Variants in SNTG1 observed in about 807,000 individuals in gnomAD.
SNTG1 encodes syntrophin gamma 1, also known as gamma-1-syntrophin.
SNTG1 carries 39 observed loss-of-function variants against 74.7 expected under a neutral mutation model. The observed-to-expected ratio is 0.52, with a 90% CI of 0.40 to 0.68. The LOEUF (loss-of-function observed/expected upper bound fraction) is 0.68. Ranked by LOEUF, SNTG1 falls within the 30% of genes least tolerant of loss-of-function variation. The pLI is 0.00. For synonymous variants in SNTG1, 254 were observed against 217.1 expected (o/e 1.17, Z -1.49); for missense variants, 685 against 609.5 (o/e 1.12, Z -1.30).
chr8:50,709,671 G>A (rs920166254), intron 17 of SNTG1, among the ~76,000 whole-genome samples: 16 of 152,094 alleles, frequency 1.1e-4, no homozygotes, highest in East Asian at 1.9e-4. Context: ...AATTGGAAGC[G>A]ATCTTAAAGC....
chr8:50,640,542 A>G (rs911740839), intron 13 of SNTG1, among the ~76,000 whole-genome samples: 1 of 152,278 alleles, frequency 6.6e-6, no homozygotes, highest in Non-Finnish European at 1.5e-5. Context: ...CATCACACAC[A>G]TATGTACACA....
chr8:50,082,491 T>G (rs367586000), intron 1 of SNTG1, among the ~76,000 whole-genome samples: 10 of 152,326 alleles, frequency 6.6e-5, no homozygotes, highest in African/African-American at 2.4e-4. Flanking sequence ...TTTATTTATC[T>G]GCTCCTATTT....
At chr8:50,638,020 T>A (rs528386505) in intron 13 of SNTG1, among the ~76,000 whole-genome samples, 1 of 152,102 alleles carries the variant, frequency 6.6e-6, no homozygotes, top group East Asian at 1.9e-4. Context: ...CCCCCAAAGA[T>A]GTATCCACGT....
intron 18 of SNTG1, among the ~76,000 whole-genome samples, chr8:50,787,137 A>AG (rs2095677938): frequency 6.6e-6 from 1 of 151,840 alleles, no homozygotes; most frequent in Non-Finnish European, 1.5e-5. Context: ...AGAAAAAAAA[A>AG]GAAAAGAAAC....
intron 1 of SNTG1, among the ~76,000 whole-genome samples, chr8:50,083,243 G>A (rs1422919606): frequency 6.6e-6 from 1 of 152,160 alleles, no homozygotes; most frequent in Non-Finnish European, 1.5e-5. Context: ...CTCTAAAACT[G>A]CTGATTTGAC....
At chr8:50,181,621 T>C (rs1344444334) in intron 2 of SNTG1, among the ~76,000 whole-genome samples, 2 of 152,242 alleles carry the variant, frequency 1.3e-5, no homozygotes, top group African/African-American at 2.4e-5. Flanking sequence ...AACACTAGTA[T>C]AATGTATACT....
At position 50,136,352 on chromosome 8, in the gene SNTG1, A is replaced by C. The variant is rs554475609; in HGVS notation, c.-102-36209A>C. Reference sequence around the variant, plus strand: ...CCAAACTGCTTTCCATGGTGGATGAATTAGTTTCCCACAACAATGAAAGCA... The same window carrying C: ...CCAAACTGCTTTCCATGGTGGATGACTTAGTTTCCCACAACAATGAAAGCA... On this transcript the variant is annotated intron_variant, in intron 1 of 18. Transcript: ENST00000642720. Among the ~76,000 whole-genome samples, 13 of 152,238 alleles carry C rather than the reference A, an allele frequency of 8.5e-5. 1 individual carries two copies. The highest frequency in any genetic ancestry group is 2.9e-4 in the African/African-American group (12 of 41,548).
intron 2 of SNTG1, among the ~76,000 whole-genome samples, chr8:50,199,468 C>T (rs1365714222): frequency 1.3e-5 from 2 of 152,096 alleles, no homozygotes; most frequent in South Asian, 2.1e-4. Context: ...TCCACCTCCT[C>T]AGCCTCCCAA....
intron 9 of SNTG1, among the ~76,000 whole-genome samples, chr8:50,524,544 T>A (rs892805712): frequency 1.1e-4 from 16 of 152,152 alleles, no homozygotes; most frequent in Non-Finnish European, 1.9e-4. Context: ...ATATTTTATA[T>A]CCCTTAAACC....
intron 1 of SNTG1, among the ~76,000 whole-genome samples, chr8:50,094,322 C>CA (rs1424564059): frequency 6.6e-6 from 1 of 152,056 alleles, no homozygotes; most frequent in African/African-American, 2.4e-5. Flanking sequence ...AGCAAATTTA[C>CA]TGTTTATAAA....
chr8:50,785,615 C>T (rs1051917233), intron 18 of SNTG1, among the ~76,000 whole-genome samples: 2 of 152,070 alleles, frequency 1.3e-5, no homozygotes, highest in South Asian at 4.1e-4. Context: ...TATTACCAAT[C>T]TTTCACAATC....
In SNTG1 at chr8:50,460,424, TTC is replaced by T. The variant is rs1409065121; in HGVS notation, c.363+9696_363+9697del. ...CATAGTTTGTGAATATTTTCTCCCATTCCGTAGGTTGTATGTATACTCTTTTG... is the reference window on the plus strand; with the variant it reads ...CATAGTTTGTGAATATTTTCTCCCATCGTAGGTTGTATGTATACTCTTTTG... On this transcript the variant is annotated intron_variant, in intron 8 of 18. Coordinates refer to ENST00000642720, the MANE Select transcript of SNTG1 (RefSeq NM_018967.5). 5.9e-5 allele frequency among the ~76,000 whole-genome samples: 9 copies of T among 152,296 alleles called. No homozygotes were observed. In the East Asian group the frequency reaches 1.7e-3, roughly 29 times the overall value.
intron 2 of SNTG1, among the ~76,000 whole-genome samples, chr8:50,315,810 C>T (rs2090296014): frequency 6.6e-6 from 1 of 152,122 alleles, no homozygotes. Flanking sequence ...CCACCATGAA[C>T]ACCTGCACTG....
At chr8:49,914,194 T>C (rs1805825467) in intron 1 of SNTG1, among the ~76,000 whole-genome samples, 3 of 152,144 alleles carry the variant, frequency 2.0e-5, no homozygotes, top group Non-Finnish European at 4.4e-5. Flanking sequence ...GAAACCAATC[T>C]TCATTATTGC....
At chr8:50,277,326 A>G (rs868853445) in intron 2 of SNTG1, among the ~76,000 whole-genome samples, 1 of 151,672 alleles carries the variant, frequency 6.6e-6, no homozygotes, top group South Asian at 2.1e-4. Context: ...GAAACACATT[A>G]TAATAATATA....
At chr8:50,666,796 A>G (rs1478347907) in intron 15 of SNTG1, among the ~76,000 whole-genome samples, 1 of 152,040 alleles carries the variant, frequency 6.6e-6, no homozygotes, top group Admixed American at 6.6e-5. Context: ...AGAATAAACA[A>G]AGGCATAAAT....
At position 50,738,510 on chromosome 8, in the gene SNTG1, T is replaced by C. The variant is rs1302958324; in HGVS notation, c.1285-13491T>C. ...AAAGTAATTTATAGATTCAATGCTATCCTCATCCAGCTACCATTGACTTTC... is the reference window on the plus strand; with the variant it reads ...AAAGTAATTTATAGATTCAATGCTACCCTCATCCAGCTACCATTGACTTTC... On this transcript the variant is annotated intron_variant, in intron 17 of 18. Coordinates refer to ENST00000642720, the MANE Select transcript of SNTG1 (RefSeq NM_018967.5). Among the ~76,000 whole-genome samples, 4 of 152,124 alleles carry C rather than the reference T, an allele frequency of 2.6e-5. No homozygotes were observed. In the South Asian group the frequency reaches 6.2e-4, roughly 24 times the overall value.
chr8:50,354,528 GTTGCC>G (rs2091764072), intron 2 of SNTG1, among the ~76,000 whole-genome samples: 1 of 152,084 alleles, frequency 6.6e-6, no homozygotes, highest in Non-Finnish European at 1.5e-5. Flanking sequence ...ATTGTTTCAT[GTTGCC>G]CTAAAAGCAG....
intron 1 of SNTG1, among the ~76,000 whole-genome samples, chr8:50,076,125 T>A (rs191031070): frequency 7.9e-5 from 12 of 152,262 alleles, no homozygotes; most frequent in African/African-American, 2.9e-4. Context: ...GGTAAACCTG[T>A]GGAAGCTTGA....
Sources: allele counts gnomAD v4.1 joint callset (sites outside exome capture counted in the v4.1 genomes callset), GRCh38; gene constraint gnomAD v4.1.1; transcripts MANE v1.5; gene names NCBI Gene and HGNC (gene_info 2026-07-23, HGNC 2026-07-21).